Variants in BORCS5 observed in about 807,000 individuals in gnomAD.
BORCS5 encodes the protein BLOC-1-related complex subunit 5.
BORCS5 carries 17 observed loss-of-function variants against 22.1 expected under a neutral mutation model. The observed-to-expected ratio is 0.77, with a 90% confidence interval of 0.53 to 1.15. The LOEUF is 1.15. Among genes scored for constraint, BORCS5 ranks in the 50% most tolerant of loss-of-function variants. The pLI is 0.00. For synonymous variants in BORCS5, 117 were observed against 99.8 expected, an observed-to-expected ratio of 1.17 and a Z score of -1.03; for missense variants, 247 against 253.2, an observed-to-expected ratio of 0.98 and a Z score of 0.17.
chr12:12,421,788 A>G (rs1252941695), intron 2 of BORCS5, among the ~76,000 whole-genome samples: 4 of 152,118 alleles, frequency 2.6e-5, no homozygotes, highest in Non-Finnish European at 2.9e-5. Context: ...GGGAGGGGGT[A>G]TGTGTCCAGG....
intron 3 of BORCS5, among the ~76,000 whole-genome samples, chr12:12,444,948 CA>C (rs961764433): frequency 4.6e-5 from 7 of 151,796 alleles, no homozygotes; most frequent in African/African-American, 1.7e-4. Context: ...ACAACAACAA[CA>C]AAAAAAACTC....
Position 12,419,819 on chromosome 12 carries a change from G to GT in BORCS5, c.203-15803dup, listed in dbSNP as rs914189125. On this transcript the variant is annotated intron_variant, in intron 2 of 3. Transcript: ENST00000314565. ...AGTGATGATGAGCATTTTTTCATGT[G>GT]TTTTTTGGCAGCTTAGATGTCTTCT... Among the ~76,000 whole-genome samples the GT allele has an allele frequency of 6.6e-5, 10 of 152,258 alleles. No individual in the cohort carries two copies. The South Asian group carries it at 2.1e-3, about 32-fold the overall frequency.
chr12:12,417,712 G>C (rs1051078360), intron 2 of BORCS5, among the ~76,000 whole-genome samples: 7 of 152,144 alleles, frequency 4.6e-5, no homozygotes, highest in African/African-American at 1.7e-4. Flanking sequence ...CTGCAGTGCA[G>C]TAGCGAGATC....
At chr12:12,392,087 T>A (rs1592080291) in intron 2 of BORCS5, among the ~76,000 whole-genome samples, 1 of 146,522 alleles carries the variant, frequency 6.8e-6, no homozygotes, top group South Asian at 2.2e-4. Context: ...GCTAAAATGG[T>A]GCAGCTCTAA....
At chr12:12,368,830 T>G (rs1233677035) in intron 2 of BORCS5, among the ~76,000 whole-genome samples, 2 of 151,778 alleles carry the variant, frequency 1.3e-5, no homozygotes, top group African/African-American at 4.8e-5. Flanking sequence ...CATCTTCCAC[T>G]TGTGTATTAT....
At chr12:12,373,644 A>G (rs944739698) in intron 2 of BORCS5, among the ~76,000 whole-genome samples, 30 of 152,174 alleles carry the variant, frequency 2.0e-4, no homozygotes, top group African/African-American at 6.5e-4. Flanking sequence ...TCCTGCCAAC[A>G]GCCTTTAATT....
At chr12:12,418,686 C>T (rs571532792) in intron 2 of BORCS5, among the ~76,000 whole-genome samples, 1 of 152,152 alleles carries the variant, frequency 6.6e-6, no homozygotes, top group South Asian at 2.1e-4. Flanking sequence ...GACTCTCTTT[C>T]AGTATAGCTC....
intron 2 of BORCS5, among the ~76,000 whole-genome samples, chr12:12,394,912 T>A (rs887139143): frequency 6.6e-6 from 1 of 152,058 alleles, no homozygotes. Context: ...AATGCTGAGC[T>A]ACAGAGAGGT....
intron 2 of BORCS5, among the ~76,000 whole-genome samples, chr12:12,397,029 A>G (rs10743984): frequency 0.29 from 43,741 of 152,142 alleles, 7,274 homozygotes; most frequent in Non-Finnish European, 0.37. Flanking sequence ...TCACACAGAC[A>G]GCAGCACAAA....
intron 2 of BORCS5, among the ~76,000 whole-genome samples, chr12:12,434,248 A>G (rs1336869248): frequency 1.4e-5 from 2 of 140,722 alleles, no homozygotes. Context: ...ACGCCACTGC[A>G]CTCCAGATGG....
At chr12:12,399,687 A>G (rs1941425188) in intron 2 of BORCS5, among the ~76,000 whole-genome samples, 1 of 152,172 alleles carries the variant, frequency 6.6e-6, no homozygotes, top group Admixed American at 6.5e-5. Context: ...AGACCTTCAC[A>G]TACATGTTGA....
chr12:12,444,519 CTCAATTACA>C (rs1400403320), intron 3 of BORCS5, among the ~76,000 whole-genome samples: 1 of 152,334 alleles, frequency 6.6e-6, no homozygotes, highest in African/African-American at 2.4e-5. Context: ...TCGGCTAGAA[CTCAATTACA>C]TGGCCACAGC....
chr12:12,428,272 AG>A (rs939761155), intron 2 of BORCS5, among the ~76,000 whole-genome samples: 36 of 152,324 alleles, frequency 2.4e-4, no homozygotes, highest in African/African-American at 8.2e-4. Context: ...AGAATGAAAA[AG>A]ATCACTCTGC....
At chr12:12,374,871 G>A (rs557894354) in intron 2 of BORCS5, among the ~76,000 whole-genome samples, 332 of 150,864 alleles carry the variant, frequency 2.2e-3, no homozygotes, top group African/African-American at 7.7e-3. Context: ...TGGGACAATC[G>A]TTTGAATGCA....
At chr12:12,423,943 G>A (rs759887763) in intron 2 of BORCS5, among the ~76,000 whole-genome samples, 12 of 152,142 alleles carry the variant, frequency 7.9e-5, no homozygotes, top group Non-Finnish European at 1.5e-4. Flanking sequence ...GCCCACCTTG[G>A]CCTCCCAAAG....
chr12:12,461,361 G>A (rs1240197837), intron 3 of BORCS5, among the ~76,000 whole-genome samples: 1 of 151,830 alleles, frequency 6.6e-6, no homozygotes, highest in Non-Finnish European at 1.5e-5. Flanking sequence ...TTGTAGAGAT[G>A]AGGACTCAGT....
rs1003171312 is a variant in BORCS5 at position 12,466,281 on chromosome 12, C to T, written c.*505C>T. On this transcript the variant is annotated 3_prime_UTR_variant, in exon 4 of 4. Transcript: ENST00000314565. ...GTTTCTACCCTGACTGTTTCCGTCA[C>T]ACCAAGCCCTTATCTGGGGCGCGTC... 3.3e-5 allele frequency: 5 copies of T among 152,466 alleles called. No homozygotes were observed. Among genetic ancestry groups the T allele is most frequent in the Admixed American group, 2.0e-4 (3 of 15,288 alleles). 9.4% of individuals were successfully genotyped at this position (152,466 alleles called of 1,614,324 possible). A position where few individuals can be genotyped will look rare whatever the true frequency, so the allele number is the denominator to read the frequency against.
intron 2 of BORCS5, among the ~76,000 whole-genome samples, chr12:12,428,525 T>G (rs1347360571): frequency 1.3e-5 from 2 of 151,972 alleles, no homozygotes; most frequent in Non-Finnish European, 2.9e-5. Flanking sequence ...TTAGATCAGG[T>G]TTTTAACTCA....
chr12:12,371,619 C>T (rs1031667121), intron 2 of BORCS5, among the ~76,000 whole-genome samples: 5 of 152,132 alleles, frequency 3.3e-5, no homozygotes, highest in Admixed American at 1.3e-4. Context: ...TTGAAAATGA[C>T]AAGTTCACAC....
Sources: allele counts gnomAD v4.1 joint callset (sites outside exome capture counted in the v4.1 genomes callset), GRCh38; gene constraint gnomAD v4.1.1; transcripts MANE v1.5; gene names NCBI Gene and HGNC (gene_info 2026-07-23, HGNC 2026-07-21).